Variants in NELL1 observed in about 807,000 individuals in gnomAD.
NELL1 encodes neural EGFL like 1, also known as protein kinase C-binding protein NELL1.
A neutral mutation model predicts 107.4 loss-of-function variants in NELL1; 76 were observed. The observed-to-expected ratio is 0.71, with a 90% CI of 0.59 to 0.86. The LOEUF is 0.86. Among genes scored for constraint, NELL1 ranks in the 40% least tolerant of loss-of-function variants. The pLI is 0.00. For missense variants in NELL1, 1,024 were observed against 1,005.5 expected (o/e 1.02, Z -0.25); for synonymous variants, 353 against 341.2 (o/e 1.03, Z -0.38).
intron 2 of NELL1, among the ~76,000 whole-genome samples, chr11:20,767,076 G>T (rs181325439): frequency 1.3e-5 from 2 of 152,278 alleles, no homozygotes; most frequent in African/African-American, 4.8e-5. Context: ...ACGATAGTCT[G>T]TTATGCTGCT....
intron 12 of NELL1, among the ~76,000 whole-genome samples, chr11:21,082,118 A>G (rs1854283700): frequency 6.6e-6 from 1 of 152,096 alleles, no homozygotes; most frequent in Admixed American, 6.6e-5. Context: ...ATTCTTTACA[A>G]TGGCGATCAT....
intron 16 of NELL1, among the ~76,000 whole-genome samples, chr11:21,548,263 G>T (rs1298989600): frequency 2.0e-5 from 3 of 151,878 alleles, no homozygotes; most frequent in Non-Finnish European, 2.9e-5. Flanking sequence ...TTTTATCATT[G>T]CCTTTTATAA....
chr11:21,522,387 A>C (rs1855749116), intron 15 of NELL1, among the ~76,000 whole-genome samples: 1 of 152,252 alleles, frequency 6.6e-6, no homozygotes, highest in African/African-American at 2.4e-5. Flanking sequence ...TTTAGCCGTA[A>C]AAAATGAAGT....
intron 14 of NELL1, among the ~76,000 whole-genome samples, chr11:21,333,710 G>C (rs1199096194): frequency 1.3e-5 from 2 of 152,012 alleles, no homozygotes; most frequent in Admixed American, 1.3e-4. Flanking sequence ...GGAAAGTGAT[G>C]AGGAGGAAAA....
rs1856629988 is a variant in NELL1, at chr11:20,771,028, C to T, written c.185-12652C>T. The T allele has an allele frequency of 2.0e-5, 3 of 149,444 alleles. No homozygotes were observed. The South Asian group carries it at 6.6e-4, about 33-fold the overall frequency. 9.3% of individuals were successfully genotyped at this position (149,444 alleles called of 1,614,324 possible). ...ACCCCTCTAGCTTCCCCCCGGCTCT[C>T]TCCTTGGGCTCAACTGGAGAGAAGA... On this transcript the variant is annotated intron_variant, in intron 2 of 19. Transcript: ENST00000357134.
At chr11:21,548,781 A>G (rs1856503940) in intron 16 of NELL1, among the ~76,000 whole-genome samples, 1 of 151,662 alleles carries the variant, frequency 6.6e-6, no homozygotes, top group Non-Finnish European at 1.5e-5. Flanking sequence ...GCTTTAAGTT[A>G]GGATGCCTGC....
chr11:21,487,477 A>AAC (rs1564919176), intron 15 of NELL1, among the ~76,000 whole-genome samples: 2 of 151,780 alleles, frequency 1.3e-5, no homozygotes, highest in East Asian at 1.9e-4. Context: ...GGAAGCAAAA[A>AAC]AACATTTACC....
intron 12 of NELL1, among the ~76,000 whole-genome samples, chr11:21,095,526 A>G (rs899678087): frequency 2.6e-5 from 4 of 152,188 alleles, no homozygotes; most frequent in Admixed American, 2.6e-4. Context: ...TTTAAAAAAG[A>G]AAGAGGTTTA....
At chr11:21,084,920 C>G (rs1012048647) in intron 12 of NELL1, among the ~76,000 whole-genome samples, 1 of 152,106 alleles carries the variant, frequency 6.6e-6, no homozygotes, top group African/African-American at 2.4e-5. Context: ...TGAATCCTAG[C>G]TTTGCCATTT....
intron 11 of NELL1, among the ~76,000 whole-genome samples, chr11:20,954,181 T>C (rs943498418): frequency 3.3e-5 from 5 of 152,346 alleles, no homozygotes; most frequent in African/African-American, 7.2e-5. Flanking sequence ...GGATAATGTA[T>C]GTAATTTTAT....
At chr11:21,116,284 C>G (rs1450478507) in intron 13 of NELL1, among the ~76,000 whole-genome samples, 2 of 151,954 alleles carry the variant, frequency 1.3e-5, no homozygotes, top group African/African-American at 4.8e-5. Context: ...CCCAATGTCC[C>G]CAGCTATTCT....
intron 14 of NELL1, among the ~76,000 whole-genome samples, chr11:21,289,466 C>T (rs1227589345): frequency 6.6e-6 from 1 of 152,204 alleles, no homozygotes; most frequent in African/African-American, 2.4e-5. Flanking sequence ...CCGTGAGGAA[C>T]AGTGCATTCT....
At chr11:21,177,657 T>C (rs369899602) in intron 13 of NELL1, among the ~76,000 whole-genome samples, 3 of 151,968 alleles carry the variant, frequency 2.0e-5, no homozygotes, top group Middle Eastern at 3.4e-3. Context: ...CTGAATCACA[T>C]GGTAATTTTA....
chr11:21,090,457 T>C (rs1854495653), intron 12 of NELL1, among the ~76,000 whole-genome samples: 1 of 152,200 alleles, frequency 6.6e-6, no homozygotes, highest in African/African-American at 2.4e-5. Context: ...AGCATTTATG[T>C]TCATGGTGTG....
intron 12 of NELL1, among the ~76,000 whole-genome samples, chr11:20,978,391 T>C (rs1331321698): frequency 6.6e-6 from 1 of 151,942 alleles, no homozygotes; most frequent in Non-Finnish European, 1.5e-5. Context: ...AATAAATAAA[T>C]GACATGCCTT....
chr11:21,138,843 G>A (rs1855800950), intron 13 of NELL1, among the ~76,000 whole-genome samples: 1 of 152,122 alleles, frequency 6.6e-6, no homozygotes, highest in South Asian at 2.1e-4. Flanking sequence ...TGAAGTGTTA[G>A]TGTAAGGAAT....
intron 5 of NELL1, among the ~76,000 whole-genome samples, chr11:20,903,615 T>A (rs761154365): frequency 7.9e-5 from 12 of 152,108 alleles, no homozygotes; most frequent in Non-Finnish European, 1.5e-4. Flanking sequence ...CCCACAAATC[T>A]AACATATGGT....
At chr11:21,222,489 CCTGGCTG>C (rs1857784031) in intron 13 of NELL1, among the ~76,000 whole-genome samples, 1 of 152,128 alleles carries the variant, frequency 6.6e-6, no homozygotes, top group Non-Finnish European at 1.5e-5. Flanking sequence ...AGCCACCACA[CCTGGCTG>C]ATCTTTTGTA....
intron 5 of NELL1, among the ~76,000 whole-genome samples, chr11:20,907,375 A>T (rs1203355769): frequency 6.6e-6 from 1 of 152,078 alleles, no homozygotes; most frequent in African/African-American, 2.4e-5. Flanking sequence ...CCTATAACTG[A>T]ACAAAATGAC....
Sources: allele counts gnomAD v4.1 joint callset (sites outside exome capture counted in the v4.1 genomes callset), GRCh38; gene constraint gnomAD v4.1.1; transcripts MANE v1.5; gene names NCBI Gene and HGNC (gene_info 2026-07-23, HGNC 2026-07-21).